DAB1: variants seen among roughly 807,000 people sequenced by gnomAD.
DAB1 encodes the protein disabled homolog 1.
In DAB1, 15 loss-of-function variants were observed where a neutral mutation model predicts 64.6. That is an observed-to-expected ratio of 0.23 (90% CI 0.16 to 0.36). The LOEUF (loss-of-function observed/expected upper bound fraction) is 0.36. DAB1 is among the 10% of genes least tolerant of loss of function. The pLI, the probability that DAB1 is intolerant of heterozygous loss-of-function variation, is 1.00. For synonymous variants in DAB1, 235 were observed against 251.9 expected (o/e 0.93, Z 0.64); for missense variants, 596 against 706.7 (o/e 0.84, Z 1.78).
intron 8 of DAB1, 124 bp downstream of exon 8, chr1:57,069,236 T>C: frequency 1.3e-6 from 1 of 757,384 alleles, no homozygotes; most frequent in Non-Finnish European, 2.2e-6. Flanking sequence ...TAGAAGCCAT[T>C]TCACTCAAAG....
intron 7 of DAB1, among the ~76,000 whole-genome samples, chr1:57,480,735 T>A (rs1000384984): frequency 1.3e-5 from 2 of 152,178 alleles, no homozygotes; most frequent in African/African-American, 4.8e-5. Context: ...TCTGCCCTTC[T>A]TGGCTTCACA....
chr1:57,115,623 A>G (rs891501009), intron 4 of DAB1, among the ~76,000 whole-genome samples: 1 of 152,144 alleles, frequency 6.6e-6, no homozygotes, highest in African/African-American at 2.4e-5. Context: ...TGGCTACTGT[A>G]TTGCATGTCA....
At chr1:57,293,897 T>C (rs556215973) in intron 1 of DAB1, among the ~76,000 whole-genome samples, 1 of 152,336 alleles carries the variant, frequency 6.6e-6, no homozygotes, top group East Asian at 1.9e-4. Context: ...AATATGATTA[T>C]GTTCAAGTGT....
intron 6 of DAB1, among the ~76,000 whole-genome samples, chr1:57,707,076 A>AAAAC (rs1196156318): frequency 6.6e-6 from 1 of 152,068 alleles, no homozygotes; most frequent in Non-Finnish European, 1.5e-5. Context: ...CTCCATCTCA[A>AAAAC]AAACAAACAA....
intron 4 of DAB1, among the ~76,000 whole-genome samples, chr1:57,120,698 A>G (rs1656559258): frequency 6.6e-6 from 1 of 152,212 alleles, no homozygotes; most frequent in Non-Finnish European, 1.5e-5. Context: ...CTCATAAAAG[A>G]AGACTCATAT....
At chr1:57,899,688 G>A (rs967628483) in intron 5 of DAB1, among the ~76,000 whole-genome samples, 1 of 150,030 alleles carries the variant, frequency 6.7e-6, no homozygotes, top group Admixed American at 6.6e-5. Flanking sequence ...CCCAAGGAGT[G>A]AATGGTAGAA....
At chr1:58,489,248 A>G (rs1345996151) in intron 3 of DAB1, among the ~76,000 whole-genome samples, 1 of 152,178 alleles carries the variant, frequency 6.6e-6, no homozygotes, top group Non-Finnish European at 1.5e-5. Context: ...CCACCCTAAT[A>G]CTGCAATTTT....
chr1:58,159,462 T>C (rs553802935), intron 4 of DAB1, among the ~76,000 whole-genome samples: 1 of 152,336 alleles, frequency 6.6e-6, no homozygotes, highest in Admixed American at 6.5e-5. Context: ...TCTCTGGAAG[T>C]ACAAACTGAG....
intron 1 of DAB1, among the ~76,000 whole-genome samples, chr1:57,329,287 C>T (rs1476816988): frequency 6.6e-6 from 1 of 152,210 alleles, no homozygotes; most frequent in Non-Finnish European, 1.5e-5. Flanking sequence ...TCCTTCCTCC[C>T]TCCAAAGCCC....
At position 58,118,503 on chromosome 1, in the gene DAB1, T is replaced by TACACAC. The variant is rs34017384; in HGVS notation, n.387+32002_387+32007dup. Among the ~76,000 whole-genome samples the TACACAC allele has an allele frequency of 3.0e-3, 158 of 53,080 alleles. 5 individuals carry two copies. Among genetic ancestry groups the TACACAC allele is most frequent in the East Asian group, 0.01 (8 of 780 alleles). 34.8% of individuals were successfully genotyped at this position (53,080 alleles called of 152,430 possible). A position where few individuals can be genotyped will look rare whatever the true frequency, so the allele number is the denominator to read the frequency against. On this transcript the variant is annotated intron_variant and non_coding_transcript_variant, in intron 5 of 20. Coordinates refer to the DAB1 transcript ENST00000485760. ...ATATATATATATATATATATATATATACACACACACACACACACATATATA... is the reference window on the plus strand; with the variant it reads ...ATATATATATATATATATATATATATACACACACACACACACACACACACATATATA...
intron 7 of DAB1, among the ~76,000 whole-genome samples, chr1:57,607,211 G>A (rs114617089): frequency 8.8e-4 from 134 of 152,216 alleles, no homozygotes; most frequent in African/African-American, 3.2e-3. Context: ...AGTTAAAGGT[G>A]TGATTTTTTG....
At chr1:58,332,023 T>G (rs924923904) in intron 4 of DAB1, among the ~76,000 whole-genome samples, 2 of 152,184 alleles carry the variant, frequency 1.3e-5, no homozygotes, top group Non-Finnish European at 2.9e-5. Context: ...CTGTCTATAT[T>G]CATGGTCTGA....
intron 3 of DAB1, among the ~76,000 whole-genome samples, chr1:58,474,731 TGTTTCCCTC>T (rs1387678199): frequency 2.6e-5 from 4 of 152,172 alleles, no homozygotes; most frequent in African/African-American, 9.7e-5. Context: ...CCCAAATAAT[TGTTTCCCTC>T]GTTGCCCTGC....
At chr1:58,151,703 T>A (rs1654947470) in intron 4 of DAB1, among the ~76,000 whole-genome samples, 1 of 152,226 alleles carries the variant, frequency 6.6e-6, no homozygotes, top group South Asian at 2.1e-4. Flanking sequence ...AAACGGTTCC[T>A]GAATGCATAC....
intron 4 of DAB1, among the ~76,000 whole-genome samples, chr1:57,121,676 G>GT (rs1434959374): frequency 1.3e-5 from 2 of 152,022 alleles, no homozygotes; most frequent in East Asian, 3.9e-4. Context: ...TTCTTCTAGG[G>GT]TTTTTACGGT....
intron 9 of DAB1, among the ~76,000 whole-genome samples, chr1:57,044,696 G>A (rs1026866786): frequency 6.6e-6 from 1 of 152,130 alleles, no homozygotes; most frequent in Non-Finnish European, 1.5e-5. Context: ...TTAATTAAAA[G>A]TAGCCCATAT....
intron 3 of DAB1, among the ~76,000 whole-genome samples, chr1:58,479,928 A>G (rs1645457293): frequency 6.6e-6 from 1 of 152,226 alleles, no homozygotes; most frequent in African/African-American, 2.4e-5. Flanking sequence ...TAGATTCACA[A>G]TACAAAGTAG....
At chr1:58,368,838 G>C (rs1187501872) in intron 3 of DAB1, among the ~76,000 whole-genome samples, 1 of 152,112 alleles carries the variant, frequency 6.6e-6, no homozygotes, top group African/African-American at 2.4e-5. Context: ...CAGTAGCCTG[G>C]ACAACATGGG....
chr1:57,083,016 C>G (rs1473595294), intron 4 of DAB1, among the ~76,000 whole-genome samples: 1 of 152,184 alleles, frequency 6.6e-6, no homozygotes, highest in Non-Finnish European at 1.5e-5. Context: ...ATTCTCCAAA[C>G]ATGCATAAGA....
Sources: allele counts gnomAD v4.1 joint callset (sites outside exome capture counted in the v4.1 genomes callset), GRCh38; gene constraint gnomAD v4.1.1; transcripts MANE v1.5; gene names NCBI Gene and HGNC (gene_info 2026-07-23, HGNC 2026-07-21).